Variants in ZC2HC1C observed in about 807,000 individuals in gnomAD.
ZC2HC1C encodes the protein zinc finger C2HC-type containing 1C.
Under a neutral mutation model 39.2 loss-of-function variants are expected in ZC2HC1C, and 25 were observed. That is an observed-to-expected ratio of 0.64 (90% CI 0.47 to 0.89). The LOEUF (loss-of-function observed/expected upper bound fraction) is 0.89. Ranked by LOEUF, ZC2HC1C falls within the 40% of genes least tolerant of loss-of-function variation. The pLI, the probability that ZC2HC1C is intolerant of heterozygous loss-of-function variation, is 0.00. For synonymous variants in ZC2HC1C, 209 were observed against 214.4 expected (o/e 0.97, Z 0.22); for missense variants, 519 against 548.6 (o/e 0.95, Z 0.54).
Position 75,071,081 on chromosome 14 carries a change from C to T in ZC2HC1C, c.508C>T (p.Pro170Ser). The T allele has an allele frequency of 3.1e-6, 5 of 1,614,182 alleles. 1 individual carries two copies. The South Asian group carries it at 4.4e-5, about 14-fold the overall frequency. Reference protein sequence around the residue: ...DHNVYPRPPEPREFSSRNFGV... With the variant: ...DHNVYPRPPESREFSSRNFGV... The stretch of plus-strand genomic sequence containing the variant: ...TAATGTCTACCCAAGGCCCCCTGAG[C>T]CGAGAGAGTTTTCATCTAGGAACTT... Residue 170 changes from proline (P) to serine (S), a missense_variant, in exon 2 of 3, where the codon CCG becomes TCG. Coordinates refer to ENST00000524913, the MANE Select transcript of ZC2HC1C (RefSeq NM_024643.4).
chr14:75,073,707 G>A, intron 2 of ZC2HC1C: 2 of 1,054,614 alleles, frequency 1.9e-6, no homozygotes, highest in Non-Finnish European at 2.6e-6. Context: ...CTCCTGGACT[G>A]TAAGCATTTT....
In ZC2HC1C at chr14:75,079,182, A is replaced by AC. The variant is rs1355678656; in HGVS notation, c.*1619dup. 4 of 139,308 alleles carry AC rather than the reference A, an allele frequency of 2.9e-5. No individual in the cohort carries two copies. The highest frequency in any genetic ancestry group is 2.2e-4 in the South Asian group (1 of 4,502). The allele number at this position is 139,308 out of a possible 1,614,324, so 8.6% of individuals were successfully genotyped here. A position where few individuals can be genotyped will look rare whatever the true frequency, so the allele number is the denominator to read the frequency against. The stretch of plus-strand genomic sequence containing the variant: ...CTCACTCTTGCTCCATTTCCACTGC[A>AC]CTCCAGCCTGGTGACCTAGTGAGAC... On this transcript the variant is annotated 3_prime_UTR_variant, in exon 3 of 3. Transcript: ENST00000524913.
chr14:75,075,406 C>T (rs559585271), intron 2 of ZC2HC1C, among the ~76,000 whole-genome samples: 8 of 152,258 alleles, frequency 5.3e-5, no homozygotes, highest in African/African-American at 1.9e-4. Context: ...CTGAAGCTTA[C>T]TAAGAAGGGT....
At chr14:75,076,186 ATCTTT>A (rs1893659785) in intron 2 of ZC2HC1C, among the ~76,000 whole-genome samples, 1 of 152,058 alleles carries the variant, frequency 6.6e-6, no homozygotes, top group Non-Finnish European at 1.5e-5. Flanking sequence ...TAATTTTCTA[ATCTTT>A]TCTTTTTACT....
At chr14:75,074,510 CATATTTCCAAATAATATGCTT>C (rs1893576226) in intron 2 of ZC2HC1C, among the ~76,000 whole-genome samples, 1 of 152,168 alleles carries the variant, frequency 6.6e-6, no homozygotes, top group Non-Finnish European at 1.5e-5. Flanking sequence ...TCTGCCTTTC[CATATTTCCAAATAATATGCTT>C]ATTTTCTTGA....
In ZC2HC1C at chr14:75,078,007, T is replaced by C. The variant is rs770522985; in HGVS notation, c.*443T>C. ...ACTAAATTACAACCTTGGGCTGGTA[T>C]GCTTTATGTTATTGCCCTCAGAATT... On this transcript the variant is annotated 3_prime_UTR_variant, in exon 3 of 3. Transcript: ENST00000524913. The C allele has an allele frequency of 1.1e-5, 2 of 182,452 alleles. No individual in the cohort carries two copies. Among genetic ancestry groups the C allele is most frequent in the Non-Finnish European group, 2.3e-5 (2 of 86,958 alleles). The allele number at this position is 182,452 out of a possible 1,614,324, so 11.3% of individuals were successfully genotyped here.
intron 2 of ZC2HC1C, among the ~76,000 whole-genome samples, chr14:75,076,531 G>A (rs1278152923): frequency 6.6e-6 from 1 of 152,176 alleles, no homozygotes; most frequent in Non-Finnish European, 1.5e-5. Flanking sequence ...GCCTCCCAAA[G>A]TGCTGGGATT....
Position 75,079,277 on chromosome 14 carries a change from TGA to T in ZC2HC1C, c.*1715_*1716del, listed in dbSNP as rs1893799408. 1 of 148,694 alleles carries T rather than the reference TGA, an allele frequency of 6.7e-6. No homozygotes were observed. The allele number at this position is 148,694 out of a possible 1,614,324, so 9.2% of individuals were successfully genotyped here. On this transcript the variant is annotated 3_prime_UTR_variant, in exon 3 of 3. Coordinates refer to ENST00000524913, the MANE Select transcript of ZC2HC1C (RefSeq NM_024643.4). ...TAACAGATCAGACCAATTTGAAATG[TGA>T]GTTAAGGCTTTAGCGGTGAAGCTGC... is the stretch of plus-strand genomic sequence containing the variant.
chr14:75,077,063 GT>G (rs1233468411), intron 2 of ZC2HC1C, among the ~76,000 whole-genome samples: 1 of 152,090 alleles, frequency 6.6e-6, no homozygotes, highest in Non-Finnish European at 1.5e-5. Context: ...CGATAATTTG[GT>G]ATGTACACTT....
intron 2 of ZC2HC1C, among the ~76,000 whole-genome samples, chr14:75,075,549 G>C (rs1371328032): frequency 6.6e-6 from 1 of 152,150 alleles, no homozygotes; most frequent in Non-Finnish European, 1.5e-5. Flanking sequence ...TTTCCCACTA[G>C]CTTTTAGCAT....
chr14:75,073,485 G>A (rs1365963468), intron 2 of ZC2HC1C: 2 of 871,064 alleles, frequency 2.3e-6, no homozygotes, highest in Non-Finnish European at 3.3e-6. Context: ...GTGGGAATGT[G>A]TGACATTGAG....
chr14:75,072,226 T>C (rs1893461470), intron 2 of ZC2HC1C, among the ~76,000 whole-genome samples: 1 of 152,204 alleles, frequency 6.6e-6, no homozygotes, highest in African/African-American at 2.4e-5. Flanking sequence ...AATCTAGACA[T>C]AGAATTTGTG....
chr14:75,073,493 G>A (rs1893518701), intron 2 of ZC2HC1C: 1 of 973,876 alleles, frequency 1.0e-6, no homozygotes, highest in Non-Finnish European at 1.4e-6. Flanking sequence ...GTGTGACATT[G>A]AGGACACCAA....
At chr14:75,073,625 C>T (rs527263142) in intron 2 of ZC2HC1C, 3 of 1,289,280 alleles carry the variant, frequency 2.3e-6, no homozygotes, top group East Asian at 5.5e-5. Context: ...CTCTAGAGTA[C>T]TCAAGAACAG....
In ZC2HC1C at chr14:75,079,242, A is replaced by G. The variant is rs902964229; in HGVS notation, c.*1678A>G. ...AAAAAAAAAAAAAAAAAAAGAAAAA[A>G]AAATTGGGCTAACAGATCAGACCAA... On this transcript the variant is annotated 3_prime_UTR_variant, in exon 3 of 3. Transcript: ENST00000524913. 6.6e-6 allele frequency: 1 copy of G among 151,978 alleles called. No homozygotes were observed. The highest frequency in any genetic ancestry group is 1.5e-5 in the Non-Finnish European group (1 of 68,008). The allele number at this position is 151,978 out of a possible 1,614,324, so 9.4% of individuals were successfully genotyped here. A position where few individuals can be genotyped will look rare whatever the true frequency, so the allele number is the denominator to read the frequency against.
In ZC2HC1C at chr14:75,079,648, A is replaced by G. The variant is rs1157771650; in HGVS notation, c.*2084A>G. 1 of 152,232 alleles carries G rather than the reference A, an allele frequency of 6.6e-6. No homozygotes were observed. Among genetic ancestry groups the G allele is most frequent in the Non-Finnish European group, 1.5e-5 (1 of 68,042 alleles). 9.4% of individuals were successfully genotyped at this position (152,232 alleles called of 1,614,324 possible). Reference sequence around the variant, plus strand: ...GCATTCATAATATGATCTGACATTTAAAAACTGGGATATGGAACATCTCTT... The same window carrying G: ...GCATTCATAATATGATCTGACATTTGAAAACTGGGATATGGAACATCTCTT... On this transcript the variant is annotated 3_prime_UTR_variant, in exon 3 of 3. Coordinates refer to ENST00000524913, the MANE Select transcript of ZC2HC1C (RefSeq NM_024643.4).
At position 75,071,516 on chromosome 14, in the gene ZC2HC1C, C is replaced by G; in HGVS notation, c.943C>G (p.Pro315Ala). ...GGGACGGTCTCAACAAAATTCAGGT[C>G]CATTCCAGTTCTCTGATTATAGAAT... ...TWGRSQQNSG[P>A]FQFSDYRIQR... The change falls in exon 2 of 3, where the codon CCA (proline) becomes GCA (alanine). Residue 315 changes from proline (P) to alanine (A), a missense_variant. Physicochemically the swap from Pro to Ala is conservative, Grantham distance 27. Coordinates refer to ENST00000524913, the MANE Select transcript of ZC2HC1C (RefSeq NM_024643.4). 6.2e-7 allele frequency: 1 copy of G among 1,614,056 alleles called. No homozygotes were observed.
intron 2 of ZC2HC1C, among the ~76,000 whole-genome samples, chr14:75,074,487 A>G (rs1893574943): frequency 1.3e-5 from 2 of 152,134 alleles, no homozygotes; most frequent in African/African-American, 4.8e-5. Context: ...GTTCTGTTAG[A>G]TGGTTCTTCT....
In ZC2HC1C at chr14:75,077,993, A is replaced by G. The variant is rs922483861; in HGVS notation, c.*429A>G. The G allele has an allele frequency of 2.1e-5, 4 of 193,130 alleles. No homozygotes were observed. Among genetic ancestry groups the G allele is most frequent in the Non-Finnish European group, 3.2e-5 (3 of 93,554 alleles). The allele number at this position is 193,130 out of a possible 1,614,324, so 12.0% of individuals were successfully genotyped here. A position where few individuals can be genotyped will look rare whatever the true frequency, so the allele number is the denominator to read the frequency against. ...AGCCCCAGCTTCCCACTAAATTACA[A>G]CCTTGGGCTGGTATGCTTTATGTTA... On this transcript the variant is annotated 3_prime_UTR_variant, in exon 3 of 3. Transcript: ENST00000524913.
Sources: gnomAD v4.1 joint callset for allele counts (sites outside exome capture counted in the v4.1 genomes callset) on GRCh38, gnomAD v4.1.1 for gene constraint, MANE v1.5 for transcripts, NCBI Gene and HGNC (gene_info 2026-07-23, HGNC 2026-07-21) for gene names.